The following CACNA2D4 variants were observed in gnomAD, a reference collection of about 807,000 sequenced individuals.
The protein encoded by CACNA2D4 is voltage-dependent calcium channel subunit alpha-2/delta-4.
In CACNA2D4, 157 loss-of-function variants were observed where a neutral mutation model predicts 163.8. That is an observed-to-expected ratio of 0.96 (90% confidence interval 0.84 to 1.09). The LOEUF (loss-of-function observed/expected upper bound fraction) is 1.09, where lower values mean the gene tolerates loss of function less well. CACNA2D4 is among the 50% of genes least tolerant of loss of function. CACNA2D4 has a pLI of 0.00. For missense variants in CACNA2D4, 1,410 were observed against 1,479.9 expected, an observed-to-expected ratio of 0.95 and a Z score of 0.78; for synonymous variants, 598 against 586.9, an observed-to-expected ratio of 1.02 and a Z score of -0.27.
chr12:1,873,192 T>C (rs1268453065), intron 18 of CACNA2D4, among the ~76,000 whole-genome samples: 1 of 152,196 alleles, frequency 6.6e-6, no homozygotes, highest in Non-Finnish European at 1.5e-5. Context: ...GTACTAATAG[T>C]AGTAAGACAT....
intron 6 of CACNA2D4, among the ~76,000 whole-genome samples, chr12:1,899,804 AC>A (rs1306808576): frequency 6.6e-6 from 1 of 152,194 alleles, no homozygotes; most frequent in Non-Finnish European, 1.5e-5. Context: ...TGAAAACCTA[AC>A]AAGGATAGTA....
Position 1,828,416 on chromosome 12 carries a change from G to A in CACNA2D4, c.2551+12323C>T, listed in dbSNP as rs543185345. ...AGCATCCCTGCCAGTCAGAGTCACCGCTGAGTGCTGAGTGGTTAGACCTGG... is the reference window on the plus strand; with the variant it reads ...AGCATCCCTGCCAGTCAGAGTCACCACTGAGTGCTGAGTGGTTAGACCTGG... On this transcript the variant is annotated intron_variant, in intron 26 of 37. Transcript: ENST00000382722. This position sits in a 1 kb window ranked among gnomAD's most constrained non-coding sequence, Gnocchi z 4.2. Among the ~76,000 whole-genome samples the A allele has an allele frequency of 2.7e-4, 41 of 152,348 alleles. No individual in the cohort carries two copies. The highest frequency in any genetic ancestry group is 5.5e-4 in the African/African-American group (23 of 41,594).
chr12:1,899,037 ATCAGCGATACTT>A (rs1404333348), intron 6 of CACNA2D4, among the ~76,000 whole-genome samples: 1 of 152,164 alleles, frequency 6.6e-6, no homozygotes, highest in Non-Finnish European at 1.5e-5. Flanking sequence ...TGCACTTATT[ATCAGCGATACTT>A]TTAATAAGTT....
At chr12:1,914,767 A>C in intron 2 of CACNA2D4, 87 bp downstream of exon 2, 2 of 851,166 alleles carry the variant, frequency 2.3e-6, no homozygotes, top group South Asian at 2.9e-5. Context: ...GGGATGCCCA[A>C]GGCCCCTCAC....
chr12:1,842,406 C>T (rs1483243218), intron 25 of CACNA2D4, among the ~76,000 whole-genome samples: 1 of 152,218 alleles, frequency 6.6e-6, no homozygotes, highest in South Asian at 2.1e-4. Context: ...GGAGGCAGCT[C>T]GTCCTCTTTT....
At chr12:1,879,732 A>G (rs1460869719) in intron 14 of CACNA2D4, 72 bp downstream of exon 14, 3 of 1,246,964 alleles carry the variant, frequency 2.4e-6, no homozygotes, top group Non-Finnish European at 3.4e-6. Context: ...GTCAAGAATC[A>G]CTGGTCTAAA....
chr12:1,860,817 G>T (rs897780162), intron 18 of CACNA2D4, among the ~76,000 whole-genome samples: 3 of 152,186 alleles, frequency 2.0e-5, no homozygotes, highest in Non-Finnish European at 4.4e-5. Flanking sequence ...TTTAGCCTTG[G>T]TTTACTTTGT....
chr12:1,871,660 G>C (rs1451633469), intron 18 of CACNA2D4, among the ~76,000 whole-genome samples: 1 of 152,038 alleles, frequency 6.6e-6, no homozygotes, highest in Non-Finnish European at 1.5e-5. Context: ...GTACACGTGT[G>C]TGCTGCTGGT....
In CACNA2D4 at chr12:1,811,742, G is replaced by A. The variant is rs1286709052; in HGVS notation, c.2552-19C>T. On this transcript the variant is annotated intron_variant, in intron 26 of 37. Coordinates refer to ENST00000382722, the MANE Select transcript of CACNA2D4 (RefSeq NM_172364.5). The stretch of plus-strand genomic sequence containing the variant: ...CCCGCGGCTACAGGGCAGAAAGAGA[G>A]AGGGCAAGGCCAGGGAAGAGACGGG... 6.4e-7 allele frequency: 1 copy of A among 1,557,714 alleles called. No individual in the cohort carries two copies. The highest frequency in any genetic ancestry group is 2.4e-5 in the East Asian group (1 of 41,324).
intron 35 of CACNA2D4, among the ~76,000 whole-genome samples, chr12:1,797,034 T>TGGCACCGCCCTGGGCACC (rs1555173678): frequency 1.3e-5 from 2 of 152,142 alleles, no homozygotes; most frequent in East Asian, 3.9e-4. Flanking sequence ...GCGCGGGCAC[T>TGGCACCGCCCTGGGCACC]GGCACCGCCC....
At chr12:1,832,315 A>G (rs186003887) in intron 26 of CACNA2D4, among the ~76,000 whole-genome samples, 59 of 152,334 alleles carry the variant, frequency 3.9e-4, no homozygotes, top group Admixed American at 1.5e-3. Flanking sequence ...GAAGGAAACA[A>G]TATCTATTTC....
At chr12:1,814,902 G>T (rs1863827074) in intron 26 of CACNA2D4, among the ~76,000 whole-genome samples, 1 of 152,122 alleles carries the variant, frequency 6.6e-6, no homozygotes, top group East Asian at 1.9e-4. Context: ...TTTGTTTTGT[G>T]TTTTTGAGAC....
intron 26 of CACNA2D4, among the ~76,000 whole-genome samples, chr12:1,816,802 A>T (rs936917924): frequency 1.3e-5 from 2 of 152,154 alleles, no homozygotes; most frequent in African/African-American, 4.8e-5. Context: ...ACGGACACAC[A>T]TGCATGCACA....
chr12:1,914,955 C>G lies in CACNA2D4; in HGVS notation c.228-20G>C. ...TTCACTCTGCCAGGCAATGAAAGGA[C>G]ACGCGTATACACACACGTACACGCA... is the stretch of plus-strand genomic sequence containing the variant. On this transcript the variant is annotated intron_variant, in intron 1 of 37. Coordinates refer to ENST00000382722, the MANE Select transcript of CACNA2D4 (RefSeq NM_172364.5). 1 of 1,549,820 alleles carries G rather than the reference C, an allele frequency of 6.5e-7. No homozygotes were observed. The highest frequency in any genetic ancestry group is 8.9e-7 in the Non-Finnish European group (1 of 1,120,988).
At chr12:1,860,658 A>G (rs1865503469) in intron 18 of CACNA2D4, among the ~76,000 whole-genome samples, 1 of 152,150 alleles carries the variant, frequency 6.6e-6, no homozygotes, top group Admixed American at 6.5e-5. Flanking sequence ...GAACTTCTGG[A>G]GCCCATGTAT....
intron 19 of CACNA2D4, among the ~76,000 whole-genome samples, chr12:1,858,925 C>G (rs2154448496): frequency 6.6e-6 from 1 of 152,266 alleles, no homozygotes; most frequent in East Asian, 1.9e-4. Context: ...CAAGGGACAC[C>G]CTGAAACTCA....
At chr12:1,825,657 T>A (rs919401080) in intron 26 of CACNA2D4, among the ~76,000 whole-genome samples, 1 of 152,174 alleles carries the variant, frequency 6.6e-6, no homozygotes, top group Non-Finnish European at 1.5e-5. Flanking sequence ...GCTGCACAGC[T>A]CTCTGTGGGT....
At position 1,799,216 on chromosome 12, in the gene CACNA2D4, C is replaced by T. The variant is rs1463179722; in HGVS notation, c.2995+459G>A. On this transcript the variant is annotated intron_variant, in intron 34 of 37. Coordinates refer to ENST00000382722, the MANE Select transcript of CACNA2D4 (RefSeq NM_172364.5). The surrounding 1 kb of genome is among the most constrained non-coding windows in gnomAD (Gnocchi z 4.7). Reference sequence around the variant, plus strand: ...ACAGCCACCGGGCTTTGTGTTGGGGCCTCTCATGGTTGCTGCCTCTGGGGG... The same window carrying T: ...ACAGCCACCGGGCTTTGTGTTGGGGTCTCTCATGGTTGCTGCCTCTGGGGG... 6.6e-6 allele frequency among the ~76,000 whole-genome samples: 1 copy of T among 152,196 alleles called. No individual in the cohort carries two copies. The highest frequency in any genetic ancestry group is 1.5e-5 in the Non-Finnish European group (1 of 68,030).
chr12:1,800,495 C>CT, intron 31 of CACNA2D4, 57 bp from the exon 32 acceptor site: 1 of 1,540,588 alleles, frequency 6.5e-7, no homozygotes. Flanking sequence ...AGGGTGCCCC[C>CT]CCCCCACCAC....
Sources: gnomAD v4.1 joint callset for allele counts (sites outside exome capture counted in the v4.1 genomes callset) on GRCh38, gnomAD v4.1.1 for gene constraint, Gnocchi (gnomAD v3.1) non-coding constraint, MANE v1.5 for transcripts, NCBI Gene and HGNC (gene_info 2026-07-23, HGNC 2026-07-21) for gene names.